Variants in SYN3 observed in about 807,000 individuals in gnomAD.
SYN3 encodes the protein synapsin-3.
Under a neutral mutation model 65.8 loss-of-function variants are expected in SYN3, and 35 were observed. That is an observed-to-expected ratio of 0.53 (90% CI 0.41 to 0.70). SYN3 has a LOEUF of 0.70. SYN3 is among the 30% of genes least tolerant of loss of function. The pLI is 0.00. For synonymous variants in SYN3, 270 were observed against 292.9 expected (o/e 0.92, Z 0.80); for missense variants, 680 against 749.0 (o/e 0.91, Z 1.08).
At chr22:32,882,578 G>C (rs1214484202) in intron 4 of SYN3, among the ~76,000 whole-genome samples, 2 of 152,252 alleles carry the variant, frequency 1.3e-5, no homozygotes. Flanking sequence ...CAGAGGCACA[G>C]AGAGGACAAG....
chr22:33,004,804 T>C (rs917524509), intron 2 of SYN3, among the ~76,000 whole-genome samples: 5 of 152,074 alleles, frequency 3.3e-5, no homozygotes, highest in Admixed American at 6.5e-5. Flanking sequence ...GAAGGCATGA[T>C]TGTGTTTTGA....
chr22:32,576,265 C>T (rs1367103224), intron 7 of SYN3, among the ~76,000 whole-genome samples: 3 of 152,038 alleles, frequency 2.0e-5, no homozygotes, highest in African/African-American at 4.8e-5. Flanking sequence ...ATTCTCTGAG[C>T]ATTCACCATG....
chr22:32,814,162 G>GAA (rs1471441715), intron 6 of SYN3, among the ~76,000 whole-genome samples: 2 of 128,042 alleles, frequency 1.6e-5, no homozygotes, highest in African/African-American at 6.2e-5. Flanking sequence ...GAGAGAGAGA[G>GAA]AGAGAAAGAG....
At chr22:32,707,033 G>A (rs900413283) in intron 6 of SYN3, among the ~76,000 whole-genome samples, 11 of 152,130 alleles carry the variant, frequency 7.2e-5, no homozygotes, top group Non-Finnish European at 4.4e-5. Context: ...TTAAGATGAT[G>A]TCCTTCTATG....
At chr22:32,654,903 T>C (rs993416891) in intron 6 of SYN3, among the ~76,000 whole-genome samples, 1 of 152,252 alleles carries the variant, frequency 6.6e-6, no homozygotes, top group Non-Finnish European at 1.5e-5. Context: ...CTTGTGTATA[T>C]GTCACATTTC....
chr22:33,058,224 G>C (rs1410371356), intron 1 of SYN3, 68 bp downstream of exon 1: 1 of 152,120 alleles, frequency 6.6e-6, no homozygotes, highest in Non-Finnish European at 1.5e-5. Context: ...AGCAGCCCCC[G>C]CTCGAGGTGG....
chr22:32,918,289 A>G (rs1220879624), intron 4 of SYN3, among the ~76,000 whole-genome samples: 2 of 152,192 alleles, frequency 1.3e-5, no homozygotes, highest in African/African-American at 4.8e-5. Context: ...GGAAGTAAAT[A>G]ATAATTACCC....
intron 3 of SYN3, among the ~76,000 whole-genome samples, chr22:32,941,035 G>A (rs889671692): frequency 6.6e-6 from 1 of 152,052 alleles, no homozygotes; most frequent in Non-Finnish European, 1.5e-5. Context: ...ACTATTCCTT[G>A]CTTTGCAACC....
intron 2 of SYN3, among the ~76,000 whole-genome samples, chr22:32,996,340 A>T (rs765902143): frequency 1.3e-5 from 2 of 151,904 alleles, no homozygotes; most frequent in Non-Finnish European, 2.9e-5. Context: ...AAAACTAAGC[A>T]CCCACACTGA....
chr22:32,537,994 A>G, intron 9 of SYN3, 42 bp downstream of exon 9: 1 of 1,580,814 alleles, frequency 6.3e-7, no homozygotes, highest in Non-Finnish European at 8.7e-7. Flanking sequence ...TTCAGCTCCT[A>G]CTATGGCCAG....
chr22:32,658,054 TG>T (rs2060166404), intron 6 of SYN3, among the ~76,000 whole-genome samples: 1 of 151,998 alleles, frequency 6.6e-6, no homozygotes, highest in Non-Finnish European at 1.5e-5. Flanking sequence ...GCCTCTGGGA[TG>T]GATTTGAGGA....
At chr22:33,027,923 A>G (rs552860779) in intron 1 of SYN3, among the ~76,000 whole-genome samples, 7 of 152,354 alleles carry the variant, frequency 4.6e-5, no homozygotes, top group African/African-American at 7.2e-5. Context: ...TTTCATCCTC[A>G]TAACAACCTT....
At chr22:33,047,294 A>G (rs1436167028) in intron 1 of SYN3, among the ~76,000 whole-genome samples, 3 of 152,222 alleles carry the variant, frequency 2.0e-5, no homozygotes, top group Non-Finnish European at 4.4e-5. Context: ...TCTGCCTATC[A>G]CAGGATTAAA....
chr22:32,644,259 T>C (rs1199355952), intron 6 of SYN3, among the ~76,000 whole-genome samples: 1 of 151,900 alleles, frequency 6.6e-6, no homozygotes, highest in Admixed American at 6.6e-5. Context: ...TTGCTACCCT[T>C]TGGGGAGCCT....
At chr22:32,939,994 TG>T (rs1313524460) in intron 3 of SYN3, among the ~76,000 whole-genome samples, 1 of 152,228 alleles carries the variant, frequency 6.6e-6, no homozygotes, top group Non-Finnish European at 1.5e-5. Flanking sequence ...ACAGTTGCTC[TG>T]TGTCTTTTTC....
rs1449875048 is a variant in SYN3 at position 32,509,928 on chromosome 22, T to C, written c.*3764A>G. Among the ~76,000 whole-genome samples the C allele has an allele frequency of 6.6e-6, 1 of 152,154 alleles. No individual in the cohort carries two copies. Among genetic ancestry groups the C allele is most frequent in the Non-Finnish European group, 1.5e-5 (1 of 68,032 alleles). ...ACTAGTGTTATGTCATGGATCTGGA[T>C]ATATGAGTATGGTTATAAAAATCAG... is the stretch of plus-strand genomic sequence containing the variant. On this transcript the variant is annotated 3_prime_UTR_variant, in exon 14 of 14. Transcript: ENST00000358763.
chr22:32,783,566 G>A (rs1038105872), intron 6 of SYN3, among the ~76,000 whole-genome samples: 5 of 152,112 alleles, frequency 3.3e-5, no homozygotes, highest in Admixed American at 3.3e-4. Context: ...GATTTAAGGG[G>A]GCTTAGAGGA....
At chr22:33,032,441 G>C (rs1370763072) in intron 1 of SYN3, among the ~76,000 whole-genome samples, 2 of 151,790 alleles carry the variant, frequency 1.3e-5, no homozygotes, top group African/African-American at 4.8e-5. Context: ...AGAGACGAAG[G>C]TTGCAATAAG....
chr22:32,641,623 A>AT, intron 6 of SYN3, among the ~76,000 whole-genome samples: 1 of 151,270 alleles, frequency 6.6e-6, no homozygotes, highest in Non-Finnish European at 1.5e-5. Context: ...AAAAAAAAAA[A>AT]AAAAAAATTG....
Sources: allele counts gnomAD v4.1 joint callset (sites outside exome capture counted in the v4.1 genomes callset), GRCh38; gene constraint gnomAD v4.1.1; transcripts MANE v1.5; gene names NCBI Gene and HGNC (gene_info 2026-07-23, HGNC 2026-07-21).